The following NFAT5 variants were observed in gnomAD, a reference collection of about 807,000 sequenced individuals.
The protein encoded by NFAT5 is nuclear factor of activated T-cells 5.
In NFAT5, 31 loss-of-function variants were observed where a neutral mutation model predicts 166.5. That is an observed-to-expected ratio of 0.19 (90% CI 0.14 to 0.25). NFAT5 has a LOEUF of 0.25. NFAT5 is among the 10% of genes least tolerant of loss of function. NFAT5 has a pLI of 1.00. For missense variants in NFAT5, 1,449 were observed against 1,821.8 expected (o/e 0.80, Z 3.72); for synonymous variants, 612 against 639.7 (o/e 0.96, Z 0.65).
At chr16:69,587,201 C>G (rs1186812323) in intron 2 of NFAT5, among the ~76,000 whole-genome samples, 3 of 151,324 alleles carry the variant, frequency 2.0e-5, no homozygotes. Context: ...TCTGCCTCAG[C>G]CTCCTGAGTA....
intron 2 of NFAT5, among the ~76,000 whole-genome samples, chr16:69,571,917 G>A (rs574199948): frequency 1.3e-5 from 2 of 151,940 alleles, no homozygotes; most frequent in South Asian, 2.1e-4. Context: ...CTGCCACCAC[G>A]CCCGGCTAAT....
intron 2 of NFAT5, among the ~76,000 whole-genome samples, chr16:69,601,844 T>C (rs2033148711): frequency 6.6e-6 from 1 of 152,258 alleles, no homozygotes; most frequent in Non-Finnish European, 1.5e-5. Context: ...CTTTTATTTC[T>C]AAATTTCTTC....
At chr16:69,633,785 G>A (rs1170172885) in intron 3 of NFAT5, among the ~76,000 whole-genome samples, 1 of 152,112 alleles carries the variant, frequency 6.6e-6, no homozygotes, top group Non-Finnish European at 1.5e-5. Context: ...TAGGATGACT[G>A]TAGTTAACAA....
chr16:69,689,605 G>A (rs1413697428), intron 11 of NFAT5, among the ~76,000 whole-genome samples: 1 of 152,228 alleles, frequency 6.6e-6, no homozygotes, highest in Non-Finnish European at 1.5e-5. Flanking sequence ...GTACAGTAGA[G>A]CGATCTCAGC....
rs1357371827 is a variant in NFAT5, at chr16:69,697,180, AGGC to A, written c.*830_*832del. 1.3e-5 allele frequency: 2 copies of A among 152,620 alleles called. No homozygotes were observed. Among genetic ancestry groups the A allele is most frequent in the Admixed American group, 6.5e-5 (1 of 15,280 alleles). 9.5% of individuals were successfully genotyped at this position (152,620 alleles called of 1,614,324 possible). A position where few individuals can be genotyped will look rare whatever the true frequency, so the allele number is the denominator to read the frequency against. ...AATGTTTTCTTCTTAACCCAGTCTTAGGCTGGTATTCCCTTTTTATATATATCT... is the reference window on the plus strand; with the variant it reads ...AATGTTTTCTTCTTAACCCAGTCTTATGGTATTCCCTTTTTATATATATCT... On this transcript the variant is annotated 3_prime_UTR_variant, in exon 15 of 15. Transcript: ENST00000349945.
chr16:69,615,975 A>G (rs9746717), intron 2 of NFAT5, among the ~76,000 whole-genome samples: 6,704 of 152,112 alleles, frequency 0.044, 507 homozygotes, highest in African/African-American at 0.15. Context: ...GGGCAGCCCT[A>G]CTAGGTAGAT....
intron 3 of NFAT5, among the ~76,000 whole-genome samples, chr16:69,645,354 A>G (rs1484699436): frequency 4.6e-5 from 7 of 152,202 alleles, no homozygotes; most frequent in Non-Finnish European, 1.0e-4. Context: ...TGGAAAATGG[A>G]ACTGGTATCA....
At chr16:69,598,104 T>A (rs1030412253) in intron 2 of NFAT5, among the ~76,000 whole-genome samples, 1 of 152,090 alleles carries the variant, frequency 6.6e-6, no homozygotes, top group Non-Finnish European at 1.5e-5. Flanking sequence ...TTAAAATATT[T>A]GGGTGTGGTG....
chr16:69,611,307 T>G (rs1362615484), intron 2 of NFAT5, among the ~76,000 whole-genome samples: 1 of 152,180 alleles, frequency 6.6e-6, no homozygotes, highest in Non-Finnish European at 1.5e-5. Flanking sequence ...TCAGCAAAAT[T>G]CTGTTTTAAG....
chr16:69,624,856 A>G (rs2034375683), intron 2 of NFAT5, among the ~76,000 whole-genome samples: 1 of 151,328 alleles, frequency 6.6e-6, no homozygotes, highest in Non-Finnish European at 1.5e-5. Flanking sequence ...TGCCTCAGTT[A>G]TTTTGAAAAT....
chr16:69,614,957 G>A (rs1463126249), intron 2 of NFAT5, among the ~76,000 whole-genome samples: 6 of 145,686 alleles, frequency 4.1e-5, no homozygotes, highest in Admixed American at 7.0e-5. Context: ...GCTCACTGCA[G>A]CCTCCTCCTC....
intron 2 of NFAT5, among the ~76,000 whole-genome samples, chr16:69,608,604 T>C (rs560221912): frequency 2.0e-5 from 3 of 147,520 alleles, no homozygotes; most frequent in Non-Finnish European, 4.5e-5. Flanking sequence ...AAAATAAGTA[T>C]ATTGAAAATT....
chr16:69,599,773 T>TCAA (rs2033024165), intron 2 of NFAT5, among the ~76,000 whole-genome samples: 1 of 151,994 alleles, frequency 6.6e-6, no homozygotes, highest in Non-Finnish European at 1.5e-5. Context: ...TACAAAGACA[T>TCAA]CAAGGCTGTG....
intron 2 of NFAT5, among the ~76,000 whole-genome samples, chr16:69,581,226 G>C (rs766404546): frequency 3.3e-5 from 5 of 152,178 alleles, no homozygotes; most frequent in Admixed American, 2.0e-4. Flanking sequence ...ATTTTTAGTA[G>C]AGGTGGGGTT....
Position 69,583,753 on chromosome 16 carries a change from T to G in NFAT5, c.127+15205T>G, listed in dbSNP as rs150939127. 8.8e-3 allele frequency among the ~76,000 whole-genome samples: 1,334 copies of G among 152,222 alleles called. 20 individuals are homozygous for G. The highest frequency in any genetic ancestry group is 0.031 in the African/African-American group (1,278 of 41,526). On this transcript the variant is annotated intron_variant, in intron 2 of 14. Coordinates refer to ENST00000349945, the MANE Select transcript of NFAT5 (RefSeq NM_138713.4). Reference sequence around the variant, plus strand: ...GCACAAATGCTTTGTATTTGAAAGGTTCTTGATATTTATTGAATGAAAGAG... The same window carrying G: ...GCACAAATGCTTTGTATTTGAAAGGGTCTTGATATTTATTGAATGAAAGAG...
At chr16:69,680,084 C>T (rs1233103937) in intron 10 of NFAT5, among the ~76,000 whole-genome samples, 1 of 152,132 alleles carries the variant, frequency 6.6e-6, no homozygotes, top group African/African-American at 2.4e-5. Context: ...CGCCAGTGTA[C>T]TCCAGCCTGG....
chr16:69,677,134 T>C, intron 9 of NFAT5, 69 bp from the exon 10 acceptor site: 3 of 1,415,666 alleles, frequency 2.1e-6, no homozygotes, highest in African/African-American at 1.5e-5. Flanking sequence ...ACAGGAAATA[T>C]ACTTCATTTA....
rs72033932 is a variant in NFAT5 at position 69,624,895 on chromosome 16, C to CTT, written c.128-1501_128-1500dup. Among the ~76,000 whole-genome samples the CTT allele has an allele frequency of 4.2e-4, 60 of 142,638 alleles. No homozygotes were observed. The South Asian group carries it at 0.012, about 28-fold the overall frequency. The allele number at this position is 142,638 out of a possible 152,430, so 93.6% of individuals were successfully genotyped here. A position where few individuals can be genotyped will look rare whatever the true frequency, so the allele number is the denominator to read the frequency against. On this transcript the variant is annotated intron_variant, in intron 2 of 14. Transcript: ENST00000349945. ...TATACGCGATATGCCTCTAATTGTT[C>CTT]TTTTTTTTAAAAAAAAAAAAAAAGA...
chr16:69,648,017 C>CA (rs886274984), intron 4 of NFAT5, among the ~76,000 whole-genome samples: 9 of 151,132 alleles, frequency 6.0e-5, no homozygotes, highest in Non-Finnish European at 1.2e-4. Context: ...ACTAAAAATA[C>CA]AAAAAAAATT....
Sources: gnomAD v4.1 joint callset for allele counts (sites outside exome capture counted in the v4.1 genomes callset) on GRCh38, gnomAD v4.1.1 for gene constraint, MANE v1.5 for transcripts, NCBI Gene and HGNC (gene_info 2026-07-23, HGNC 2026-07-21) for gene names.